The following ELP4 variants were observed in gnomAD, a reference collection of about 807,000 sequenced individuals.
ELP4 encodes the protein elongator acetyltransferase complex subunit 4.
ELP4 carries 51 observed loss-of-function variants against 48.9 expected under a neutral mutation model. The ratio of observed to expected loss-of-function variants is 1.04; its 90% CI spans 0.83 to 1.32. The LOEUF is 1.32. Ranked by LOEUF, ELP4 falls within the 40% of genes most tolerant of loss-of-function variation. The probability of loss-of-function intolerance (pLI) is 0.00; values close to 1 mark genes in which losing one functional copy is unlikely to be tolerated. For synonymous variants in ELP4, 210 were observed against 189.2 expected, an observed-to-expected ratio of 1.11 and a Z score of -0.90; for missense variants, 519 against 514.6, an observed-to-expected ratio of 1.01 and a Z score of -0.08.
chr11:31,661,826 A>G (rs1008612985), intron 9 of ELP4, among the ~76,000 whole-genome samples: 21 of 152,220 alleles, frequency 1.4e-4, no homozygotes, highest in African/African-American at 5.0e-4. Flanking sequence ...TGTTGAAAAC[A>G]GTTCATGAGA....
At chr11:31,540,728 A>T (rs897901291) in intron 3 of ELP4, among the ~76,000 whole-genome samples, 1 of 152,240 alleles carries the variant, frequency 6.6e-6, no homozygotes, top group African/African-American at 2.4e-5. Context: ...CACAGTCATG[A>T]TAATAAGAGA....
chr11:31,693,322 A>G (rs1946322933), intron 9 of ELP4, among the ~76,000 whole-genome samples: 1 of 150,334 alleles, frequency 6.7e-6, no homozygotes, highest in Non-Finnish European at 1.5e-5. Flanking sequence ...CCCCAACCCC[A>G]TGACAGCCCT....
At chr11:31,616,309 G>A (rs1018690725) in intron 5 of ELP4, among the ~76,000 whole-genome samples, 11 of 151,970 alleles carry the variant, frequency 7.2e-5, no homozygotes, top group African/African-American at 2.7e-4. Flanking sequence ...ATCTTCAACA[G>A]GGTACCAAGG....
intron 5 of ELP4, among the ~76,000 whole-genome samples, chr11:31,610,396 A>T (rs1350663533): frequency 6.6e-6 from 1 of 152,048 alleles, no homozygotes; most frequent in Non-Finnish European, 1.5e-5. Context: ...CAAAGGGTAC[A>T]TTTGCAGGTT....
chr11:31,596,282 G>A (rs1464230361), intron 4 of ELP4, among the ~76,000 whole-genome samples: 1 of 152,150 alleles, frequency 6.6e-6, no homozygotes, highest in African/African-American at 2.4e-5. Flanking sequence ...GCGGGCGCCT[G>A]TAATACCAGC....
chr11:31,646,148 C>T (rs1945192142), intron 7 of ELP4: 1 of 151,704 alleles, frequency 6.6e-6, no homozygotes, highest in Admixed American at 6.6e-5. Flanking sequence ...AGGAATCAAT[C>T]TGGATTATTT....
At chr11:31,561,435 C>G (rs1272554383) in intron 3 of ELP4, among the ~76,000 whole-genome samples, 2 of 149,988 alleles carry the variant, frequency 1.3e-5, no homozygotes, top group Non-Finnish European at 3.0e-5. Context: ...TTGAAGAGCA[C>G]ATTATTTTTT....
rs567173460 is a variant in ELP4, at chr11:31,518,769, G to A, written c.224-1287G>A. ...AAATTAGCTGGGTGTAGTGGTGGGT[G>A]CCTGTAATCCCAGCTACTTGGGAGG... On this transcript the variant is annotated intron_variant, in intron 1 of 9. Transcript: ENST00000640961. 9.9e-5 allele frequency among the ~76,000 whole-genome samples: 15 copies of A among 151,536 alleles called. No homozygotes were observed. The South Asian group carries it at 2.5e-3, about 25-fold the overall frequency.
chr11:31,630,653 A>C (rs1944843421), intron 6 of ELP4, among the ~76,000 whole-genome samples: 1 of 152,024 alleles, frequency 6.6e-6, no homozygotes, highest in Non-Finnish European at 1.5e-5. Context: ...AAAATGAATA[A>C]AACTGGCTGG....
At chr11:31,528,765 A>C (rs777311204) in intron 2 of ELP4, among the ~76,000 whole-genome samples, 17 of 152,156 alleles carry the variant, frequency 1.1e-4, no homozygotes, top group Non-Finnish European at 1.9e-4. Context: ...GAGGTGAGGT[A>C]AATAATTCAG....
intron 5 of ELP4, among the ~76,000 whole-genome samples, chr11:31,610,688 A>C (rs1274064247): frequency 6.6e-6 from 1 of 152,158 alleles, no homozygotes; most frequent in East Asian, 1.9e-4. Flanking sequence ...GCTTGCTTGC[A>C]TGTTTGCCTT....
chr11:31,703,165 GT>G (rs2134159809), intron 9 of ELP4, among the ~76,000 whole-genome samples: 1 of 152,244 alleles, frequency 6.6e-6, no homozygotes, highest in South Asian at 2.1e-4. Flanking sequence ...GTGACTACGT[GT>G]TTGGTCTCCT....
chr11:31,561,571 G>C (rs1476662530), intron 3 of ELP4, among the ~76,000 whole-genome samples: 2 of 151,994 alleles, frequency 1.3e-5, no homozygotes, highest in African/African-American at 4.8e-5. Flanking sequence ...CCTCCTCCAA[G>C]TAGCTGGGAT....
intron 9 of ELP4, among the ~76,000 whole-genome samples, chr11:31,743,400 A>AT (rs1947504008): frequency 6.6e-6 from 1 of 152,230 alleles, no homozygotes; most frequent in East Asian, 1.9e-4. Flanking sequence ...AGTGGACCTA[A>AT]TAGACATCTA....
chr11:31,544,370 T>G (rs945026829), intron 3 of ELP4, among the ~76,000 whole-genome samples: 2 of 152,094 alleles, frequency 1.3e-5, no homozygotes, highest in Non-Finnish European at 2.9e-5. Context: ...GCTCGGAGGG[T>G]CCTACGCCCA....
intron 9 of ELP4, among the ~76,000 whole-genome samples, chr11:31,695,227 C>G (rs908462698): frequency 1.2e-4 from 18 of 152,288 alleles, no homozygotes; most frequent in Admixed American, 6.5e-5. Flanking sequence ...GCATCCCTGT[C>G]TTGTGCCAGT....
intron 9 of ELP4, chr11:31,727,946 T>C (rs900150606): frequency 2.6e-5 from 4 of 152,154 alleles, no homozygotes; most frequent in African/African-American, 4.8e-5. Flanking sequence ...ATCTTATGCA[T>C]AGACCTACAA....
At chr11:31,552,684 T>C (rs1387446015) in intron 3 of ELP4, among the ~76,000 whole-genome samples, 4 of 152,176 alleles carry the variant, frequency 2.6e-5, no homozygotes, top group African/African-American at 9.7e-5. Flanking sequence ...GTTTCTACCT[T>C]TGCTTCTCTT....
intron 2 of ELP4, among the ~76,000 whole-genome samples, chr11:31,538,937 A>G (rs1358809477): frequency 1.3e-5 from 2 of 152,172 alleles, no homozygotes; most frequent in African/African-American, 4.8e-5. Context: ...GTAGTTTTGT[A>G]AAACTCTTTG....
Sources: gnomAD v4.1 joint callset for allele counts (sites outside exome capture counted in the v4.1 genomes callset) on GRCh38, gnomAD v4.1.1 for gene constraint, MANE v1.5 for transcripts, NCBI Gene and HGNC (gene_info 2026-07-23, HGNC 2026-07-21) for gene names.